KLHL29: variants seen among roughly 807,000 people sequenced by gnomAD.
KLHL29 encodes kelch like family member 29, also known as kelch-like protein 29.
In KLHL29, 21 loss-of-function variants were observed where a neutral mutation model predicts 80.4. The ratio of observed to expected loss-of-function variants is 0.26; its 90% CI spans 0.19 to 0.38. The LOEUF (loss-of-function observed/expected upper bound fraction) is 0.38, where lower values mean the gene tolerates loss of function less well. Among genes scored for constraint, KLHL29 ranks in the 10% least tolerant of loss-of-function variants. KLHL29 has a pLI of 1.00. For missense variants in KLHL29, 867 were observed against 1,223.9 expected (o/e 0.71, Z 4.35); for synonymous variants, 511 against 526.8 (o/e 0.97, Z 0.41).
chr2:23,442,043 G>A (rs4665211), intron 1 of KLHL29, among the ~76,000 whole-genome samples: 67,593 of 151,874 alleles, frequency 0.45, 15,808 homozygotes, highest in African/African-American at 0.6. Context: ...GGCTCTTGAG[G>A]TGGAGAAGCT....
intron 1 of KLHL29, among the ~76,000 whole-genome samples, chr2:23,405,391 A>G (rs1296311796): frequency 6.6e-6 from 1 of 152,260 alleles, no homozygotes; most frequent in Non-Finnish European, 1.5e-5. Context: ...TCATCATTTG[A>G]CAAAACAATG....
chr2:23,460,313 T>C (rs931640462), intron 1 of KLHL29, among the ~76,000 whole-genome samples: 1 of 152,146 alleles, frequency 6.6e-6, no homozygotes, highest in Non-Finnish European at 1.5e-5. Flanking sequence ...TATAGTTTTT[T>C]CTAGTGCAGT....
Position 23,562,596 on chromosome 2 carries a change from C to A in KLHL29, c.285+115C>A. 2 of 1,042,160 alleles carry A rather than the reference C, an allele frequency of 1.9e-6. No individual in the cohort carries two copies. The highest frequency in any genetic ancestry group is 2.7e-6 in the Non-Finnish European group (2 of 740,476). 64.6% of individuals were successfully genotyped at this position (1,042,160 alleles called of 1,614,324 possible). ...GCAGCCTGTGCTCCACGCCCCGAGT[C>A]CTCCAGAGTCTTGTCCTTCCAGGAC... On this transcript the variant is annotated intron_variant, in intron 3 of 13. Coordinates refer to ENST00000486442, the MANE Select transcript of KLHL29 (RefSeq NM_052920.2). This position sits in a 1 kb window ranked among gnomAD's most constrained non-coding sequence, Gnocchi z 4.5.
Position 23,503,867 on chromosome 2 carries a change from C to G in KLHL29, c.-46+28200C>G, listed in dbSNP as rs1665522457. On this transcript the variant is annotated intron_variant, in intron 2 of 13. Transcript: ENST00000486442. This position sits in a 1 kb window ranked among gnomAD's most constrained non-coding sequence, Gnocchi z 4.0. ...TGTTTAAAGAGAGGCGGAGGCAGAC[C>G]CCAGGCATTCAAATGATAGAATGCT... Among the ~76,000 whole-genome samples, 1 of 152,190 alleles carries G rather than the reference C, an allele frequency of 6.6e-6. No individual in the cohort carries two copies. The highest frequency in any genetic ancestry group is 1.5e-5 in the Non-Finnish European group (1 of 68,024).
intron 3 of KLHL29, among the ~76,000 whole-genome samples, chr2:23,573,540 G>A (rs773447762): frequency 8.5e-5 from 13 of 152,160 alleles, no homozygotes; most frequent in East Asian, 1.9e-4. Flanking sequence ...GTACAGGTTC[G>A]AGGCATATCC....
At chr2:23,654,970 G>A (rs756976878) in intron 5 of KLHL29, among the ~76,000 whole-genome samples, 4 of 152,192 alleles carry the variant, frequency 2.6e-5, no homozygotes, top group Admixed American at 1.3e-4. Flanking sequence ...GGCTAAGGAC[G>A]GGCAAGTCCC....
chr2:23,627,747 C>T (rs1669354162), intron 3 of KLHL29, among the ~76,000 whole-genome samples: 1 of 151,558 alleles, frequency 6.6e-6, no homozygotes, highest in African/African-American at 2.4e-5. Flanking sequence ...CGTCAAGAGT[C>T]GAGCTCTCAG....
At chr2:23,604,386 C>T (rs1974910) in intron 3 of KLHL29, among the ~76,000 whole-genome samples, 61,490 of 152,024 alleles carry the variant, frequency 0.4, 12,640 homozygotes, top group East Asian at 0.65. Flanking sequence ...TGAGCCACTG[C>T]GCCCGGCCTG....
intron 1 of KLHL29, among the ~76,000 whole-genome samples, chr2:23,392,193 G>A (rs933663416): frequency 1.8e-4 from 27 of 152,210 alleles, no homozygotes; most frequent in African/African-American, 5.5e-4. Flanking sequence ...TGTGGAAGAA[G>A]AGACAGCAGC....
At chr2:23,563,635 G>A (rs1667509291) in intron 3 of KLHL29, among the ~76,000 whole-genome samples, 1 of 152,244 alleles carries the variant, frequency 6.6e-6, no homozygotes, top group South Asian at 2.1e-4. Flanking sequence ...GGAAAGCCGC[G>A]CTCCAGGTGT....
At chr2:23,534,781 T>G (rs1666614026) in intron 2 of KLHL29, among the ~76,000 whole-genome samples, 1 of 152,156 alleles carries the variant, frequency 6.6e-6, no homozygotes. Flanking sequence ...CTACTGTGGG[T>G]GACTAGTCAA....
chr2:23,602,026 T>A (rs1413318288), intron 3 of KLHL29, among the ~76,000 whole-genome samples: 1 of 152,080 alleles, frequency 6.6e-6, no homozygotes, highest in Non-Finnish European at 1.5e-5. Flanking sequence ...CAGAATCCAG[T>A]GGCTATGGCA....
At chr2:23,511,813 A>G (rs1179756554) in intron 2 of KLHL29, among the ~76,000 whole-genome samples, 1 of 149,616 alleles carries the variant, frequency 6.7e-6, no homozygotes, top group Non-Finnish European at 1.5e-5. Flanking sequence ...ATCTCTCAGG[A>G]GGGAGGTGTG....
Position 23,552,190 on chromosome 2 carries a change from G to A in KLHL29, c.-45-9962G>A, listed in dbSNP as rs1011846527. On this transcript the variant is annotated intron_variant, in intron 2 of 13. Transcript: ENST00000486442. ...TTTGGCTTTGTGTAACTGAAACTTC[G>A]TGTCTTGAGACCAGCACCTCCCGTT... is the stretch of plus-strand genomic sequence containing the variant. Among the ~76,000 whole-genome samples, 21 of 152,172 alleles carry A rather than the reference G, an allele frequency of 1.4e-4. 1 individual carries two copies. The highest frequency in any genetic ancestry group is 7.9e-4 in the Admixed American group (12 of 15,280).
intron 1 of KLHL29, among the ~76,000 whole-genome samples, chr2:23,452,621 T>C (rs1248976774): frequency 1.3e-5 from 2 of 152,194 alleles, no homozygotes; most frequent in Non-Finnish European, 2.9e-5. Context: ...ATTTTTACTC[T>C]GAGCATAATC....
chr2:23,456,293 T>C (rs1283640257), intron 1 of KLHL29, among the ~76,000 whole-genome samples: 1 of 152,208 alleles, frequency 6.6e-6, no homozygotes, highest in African/African-American at 2.4e-5. Flanking sequence ...CCCTGGGCCC[T>C]TGGTGCAATG....
intron 2 of KLHL29, among the ~76,000 whole-genome samples, chr2:23,544,261 C>T (rs137900302): frequency 2.6e-5 from 4 of 152,248 alleles, no homozygotes; most frequent in Non-Finnish European, 1.5e-5. Flanking sequence ...CGGAGCCCTA[C>T]CAGAGGCCGG....
At chr2:23,686,093 G>C (rs1266742754) in intron 6 of KLHL29, among the ~76,000 whole-genome samples, 2 of 152,166 alleles carry the variant, frequency 1.3e-5, no homozygotes, top group African/African-American at 4.8e-5. Context: ...TTCTTGGGCT[G>C]AGAAGAGGGA....
intron 2 of KLHL29, among the ~76,000 whole-genome samples, chr2:23,555,882 A>G (rs1291974938): frequency 1.3e-5 from 2 of 152,170 alleles, no homozygotes; most frequent in African/African-American, 2.4e-5. Flanking sequence ...TTTTCCCCAG[A>G]GCTGGTGGAT....
Sources: allele counts gnomAD v4.1 joint callset (sites outside exome capture counted in the v4.1 genomes callset), GRCh38; gene constraint gnomAD v4.1.1; non-coding constraint Gnocchi (gnomAD v3.1); transcripts MANE v1.5; gene names NCBI Gene and HGNC (gene_info 2026-07-23, HGNC 2026-07-21).